REPIN1: variants seen among roughly 807,000 people sequenced by gnomAD.
The protein encoded by REPIN1 is replication initiator 1, also known as DNA-binding protein REPIN1.
In REPIN1, 4 loss-of-function variants were observed where a neutral mutation model predicts 5.7. The ratio of observed to expected loss-of-function variants is 0.71; its 90% CI spans 0.35 to 1.62. The LOEUF (loss-of-function observed/expected upper bound fraction) is 1.62, where lower values mean the gene tolerates loss of function less well. Among genes scored for constraint, REPIN1 ranks in the 40% most tolerant of loss-of-function variants. The probability of loss-of-function intolerance (pLI) is 0.05; values close to 1 mark genes in which losing one functional copy is unlikely to be tolerated. For missense variants in REPIN1, 854 were observed against 901.0 expected, an observed-to-expected ratio of 0.95 and a Z score of 0.67; for synonymous variants, 410 against 386.2, an observed-to-expected ratio of 1.06 and a Z score of -0.72.
Position 150,372,357 on chromosome 7 carries a change from C to A in REPIN1, c.1287C>A (p.Pro429=), listed in dbSNP as rs765944276. 4.0e-6 allele frequency: 6 copies of A among 1,504,908 alleles called. No individual in the cohort carries two copies. Among genetic ancestry groups the A allele is most frequent in the African/African-American group, 2.8e-5 (2 of 70,910 alleles). The allele number at this position is 1,504,908 out of a possible 1,614,324, so 93.2% of individuals were successfully genotyped here. A position where few individuals can be genotyped will look rare whatever the true frequency, so the allele number is the denominator to read the frequency against. ...EHPQDPIEAP[P]SLYSCDDCGR... is the part of the protein sequence containing the mutation. ...CGCAGGACCCGATCGAAGCCCCCCC[C>A]TCCCTCTACAGCTGCGACGACTGCG... Residue 429 remains proline (P), a synonymous_variant, in exon 3 of 3, where the codon CCC becomes CCA. Coordinates refer to ENST00000489432, the MANE Select transcript of REPIN1 (RefSeq NM_001099695.2).
intron 1 of REPIN1, chr7:150,369,399 C>A: frequency 2.2e-6 from 1 of 462,778 alleles, no homozygotes. Context: ...TCAGGGAAAG[C>A]CCAGACTCTG....
intron 2 of REPIN1, chr7:150,370,590 C>A (rs3757424): frequency 0.36 from 220,077 of 613,320 alleles, 41,803 homozygotes; most frequent in East Asian, 0.58. Flanking sequence ...AAGCTATAGA[C>A]ACCTTTTTCT....
In REPIN1 at chr7:150,372,624, TC is replaced by T; in HGVS notation, c.1557del (p.Asp520ThrfsTer152). 1 of 1,609,612 alleles carries T rather than the reference TC, an allele frequency of 6.2e-7. No homozygotes were observed. The highest frequency in any genetic ancestry group is 8.5e-7 in the Non-Finnish European group (1 of 1,179,430). On this transcript the variant is annotated frameshift_variant, in exon 3 of 3. Coordinates refer to ENST00000489432, the MANE Select transcript of REPIN1 (RefSeq NM_001099695.2). LOFTEE classifies it low-confidence loss of function (END_TRUNC). ...DHAPDRPFVC[P>X]DCGKAFRHKP... ...ACGCCCCCGATCGGCCCTTCGTGTG[TC>T]CCGACTGCGGCAAGGCCTTCCGCCA...
intron 1 of REPIN1, chr7:150,369,277 G>T: frequency 2.5e-6 from 1 of 405,544 alleles, no homozygotes; most frequent in Non-Finnish European, 4.5e-6. Context: ...CACACCAGCT[G>T]GCCCTGCGCA....
intron 2 of REPIN1, chr7:150,370,731 G>T (rs1392341137): frequency 1.4e-6 from 1 of 702,546 alleles, no homozygotes; most frequent in South Asian, 1.5e-5. Context: ...CATCTTTGAT[G>T]TCTCACAGTT....
intron 1 of REPIN1, chr7:150,369,446 G>C (rs1350542341): frequency 1.9e-6 from 1 of 521,138 alleles, no homozygotes; most frequent in Non-Finnish European, 3.5e-6. Context: ...GACCTTACCA[G>C]GGAAGAAAGT....
Position 150,371,650 on chromosome 7 carries a change from G to T in REPIN1, c.580G>T (p.Ala194Ser). 6.2e-7 allele frequency: 1 copy of T among 1,605,000 alleles called. No homozygotes were observed. Residue 194 changes from alanine (A) to serine (S), a missense_variant, in exon 3 of 3, where the codon GCC becomes TCC. Physicochemically the swap from Ala to Ser is moderately conservative, Grantham distance 99 (BLOSUM62 1). Coordinates refer to ENST00000489432, the MANE Select transcript of REPIN1 (RefSeq NM_001099695.2). ...GGTGGCCCTGGTTCTGCATCTGCGG[G>T]CCCATTCAGCTGCAAAGCGGCCCAT... The part of the protein sequence containing the change: ...GWVALVLHLR[A>S]HSAAKRPIAC...
chr7:150,370,311 C>T (rs1246233616), intron 2 of REPIN1: 3 of 247,210 alleles, frequency 1.2e-5, no homozygotes, highest in Non-Finnish European at 2.4e-5. Context: ...GTGATCAGGC[C>T]CCGAGGGCAG....
chr7:150,368,797 G>C (rs1024872650), upstream of REPIN1: 14 of 295,788 alleles, frequency 4.7e-5, no homozygotes, highest in Middle Eastern at 9.4e-4. Flanking sequence ...GAACCCGGCG[G>C]GGGGAGGTTG....
chr7:150,368,522 G>A (rs1799062569), upstream of REPIN1, among the ~76,000 whole-genome samples: 1 of 152,236 alleles, frequency 6.6e-6, no homozygotes, highest in Non-Finnish European at 1.5e-5. Context: ...CGGTCGCCCG[G>A]GGACGCGCGT....
chr7:150,369,029 C>G, intron 1 of REPIN1, 88 bp downstream of exon 1: 1 of 330,244 alleles, frequency 3.0e-6, no homozygotes, highest in Non-Finnish European at 5.2e-6. Context: ...TGTGCGCGAC[C>G]GTGTGTGAGT....
chr7:150,371,759 A>G lies in REPIN1; in HGVS notation c.689A>G (p.Glu230Gly). 1.9e-6 allele frequency: 3 copies of G among 1,611,192 alleles called. No individual in the cohort carries two copies. In the South Asian group the frequency reaches 3.3e-5, roughly 18 times the overall value. ...CGGCGGTGCCACCCTCCCGCCCCGG[A>G]GGCCCGGCCCTTCATATGCGGCAAC... is the stretch of plus-strand genomic sequence containing the variant. ...HLRRCHPPAP[E>G]ARPFICGNCG... Residue 230 changes from glutamate to glycine, a missense_variant, in exon 3 of 3, where the codon GAG (glutamate) becomes GGG (glycine). Glu to Gly is a moderately conservative substitution (Grantham distance 98). Around this residue, in one of 5 missense-constraint regions of REPIN1, gnomAD observed 409 missense variants for 418.6 expected, o/e 0.98. Coordinates refer to ENST00000489432, the MANE Select transcript of REPIN1 (RefSeq NM_001099695.2).
At chr7:150,370,726 TTGA>T (rs1799599377) in intron 2 of REPIN1, 1 of 702,504 alleles carries the variant, frequency 1.4e-6, no homozygotes, top group East Asian at 2.7e-5. Flanking sequence ...CTCGTCATCT[TTGA>T]TGTCTCACAG....
chr7:150,373,309 CCT>C lies in REPIN1; in HGVS notation c.*365_*366del, dbSNP rs1184346501. 1 of 291,428 alleles carries C rather than the reference CCT, an allele frequency of 3.4e-6. No individual in the cohort carries two copies. Among genetic ancestry groups the C allele is most frequent in the African/African-American group, 2.2e-5 (1 of 45,938 alleles). The allele number at this position is 291,428 out of a possible 1,614,324, so 18.1% of individuals were successfully genotyped here. On this transcript the variant is annotated 3_prime_UTR_variant, in exon 3 of 3. Transcript: ENST00000489432. ...CCTCTGGTATTAACGCCTTAATGCC[CCT>C]GTCTTTTACTGTAAGTTACTTAAGA...
At position 150,371,710 on chromosome 7, in the gene REPIN1, C is replaced by G. The variant is rs1250220164; in HGVS notation, c.640C>G (p.Arg214Gly). The change falls in exon 3 of 3, where the codon CGA (arginine) becomes GGA (glycine). Residue 214 changes from arginine (R) to glycine (G), a missense_variant. Physicochemically the swap from Arg to Gly is moderately radical, Grantham distance 125. Around this residue, in one of 5 missense-constraint regions of REPIN1, gnomAD observed 409 missense variants for 418.6 expected, o/e 0.98. Transcript: ENST00000489432. ...CAAATGCGAGAGACGCTTCTGGCGA[C>G]GAAAGCAGCTTCGAGCTCATCTGCG... ...CPKCERRFWRRKQLRAHLRRC... is the reference protein window; with the variant it reads ...CPKCERRFWRGKQLRAHLRRC... 1.5e-5 allele frequency: 24 copies of G among 1,607,450 alleles called. No individual in the cohort carries two copies. The highest frequency in any genetic ancestry group is 1.9e-5 in the Non-Finnish European group (23 of 1,179,852).
chr7:150,371,077 C>T (rs1585071575), intron 2 of REPIN1, 151 bp from the exon 3 acceptor site: 2 of 843,776 alleles, frequency 2.4e-6, no homozygotes, highest in Non-Finnish European at 3.6e-6. Flanking sequence ...ATAATACATA[C>T]CACACAAGGA....
chr7:150,372,062 C>T lies in REPIN1; in HGVS notation c.992C>T (p.Thr331Ile). ...HQCPECGKRF[T>I]NKPYLTSHRR... Reference sequence around the variant, plus strand: ...TGCCCCGAGTGCGGGAAGCGCTTTACCAATAAGCCCTATCTGACTTCGCAC... The same window carrying T: ...TGCCCCGAGTGCGGGAAGCGCTTTATCAATAAGCCCTATCTGACTTCGCAC... The change falls in exon 3 of 3, where the codon ACC becomes ATC. Residue 331 changes from threonine (T) to isoleucine (I), a missense_variant. By Grantham distance (89) the Thr-to-Ile change is moderately conservative. Coordinates refer to ENST00000489432, the MANE Select transcript of REPIN1 (RefSeq NM_001099695.2). The T allele has an allele frequency of 1.2e-6, 2 of 1,609,708 alleles. No homozygotes were observed. Among genetic ancestry groups the T allele is most frequent in the Non-Finnish European group, 1.7e-6 (2 of 1,178,736 alleles).
Position 150,369,869 on chromosome 7 carries a change from G to A in REPIN1, c.157+1G>A, listed in dbSNP as rs1446899953. The A allele has an allele frequency of 6.3e-7, 1 of 1,594,108 alleles. No homozygotes were observed. The highest frequency in any genetic ancestry group is 1.3e-5 in the African/African-American group (1 of 74,430). On this transcript the variant is annotated splice_donor_variant, in intron 2 of 2. Coordinates refer to ENST00000489432, the MANE Select transcript of REPIN1 (RefSeq NM_001099695.2). LOFTEE classifies it high-confidence loss of function. ...CATCCCCAGCTCTGCAGTCTCCAGG[G>A]TAGAGTCTGGCCTTTGCTGTGCTCC...
rs1346400440 is a variant in REPIN1 at position 150,372,258 on chromosome 7, C to T, written c.1188C>T (p.Ser396=). 2.6e-6 allele frequency: 4 copies of T among 1,523,226 alleles called. No homozygotes were observed. The highest frequency in any genetic ancestry group is 3.5e-6 in the Non-Finnish European group (4 of 1,142,290). 94.4% of individuals were successfully genotyped at this position (1,523,226 alleles called of 1,614,324 possible). ...SPQLPAGPQE[S]AAEPTPAVPL... Reference sequence around the variant, plus strand: ...AGCTGCCAGCCGGCCCCCAGGAGTCCGCGGCCGAGCCCACCCCGGCGGTAC... The same window carrying T: ...AGCTGCCAGCCGGCCCCCAGGAGTCTGCGGCCGAGCCCACCCCGGCGGTAC... Residue 396 remains serine (S), a synonymous_variant, in exon 3 of 3, where the codon TCC becomes TCT. Coordinates refer to ENST00000489432, the MANE Select transcript of REPIN1 (RefSeq NM_001099695.2).
Sources: gnomAD v4.1 joint callset for allele counts (sites outside exome capture counted in the v4.1 genomes callset) on GRCh38, gnomAD v4.1.1 for gene constraint, gnomAD v4.1.1 regional missense constraint, MANE v1.5 for transcripts, NCBI Gene and HGNC (gene_info 2026-07-23, HGNC 2026-07-21) for gene names.